ZNF367: variants seen among roughly 807,000 people sequenced by gnomAD.
ZNF367 encodes the protein zinc finger protein 367.
Under a neutral mutation model 31.8 loss-of-function variants are expected in ZNF367, and 11 were observed. That is an observed-to-expected ratio of 0.35 (90% CI 0.22 to 0.57). The LOEUF (loss-of-function observed/expected upper bound fraction) is 0.57, where lower values mean the gene tolerates loss of function less well. Ranked by LOEUF, ZNF367 falls within the 20% of genes least tolerant of loss-of-function variation. ZNF367 has a pLI of 0.85. For missense variants in ZNF367, 353 were observed against 484.1 expected, an observed-to-expected ratio of 0.73 and a Z score of 2.54; for synonymous variants, 199 against 202.4, an observed-to-expected ratio of 0.98 and a Z score of 0.14.
At chr9:96,394,138 C>G (rs1831502890) in intron 3 of ZNF367, among the ~76,000 whole-genome samples, 1 of 152,232 alleles carries the variant, frequency 6.6e-6, no homozygotes, top group Admixed American at 6.5e-5. Context: ...GATTTTTCTA[C>G]TGCCTACAAC....
In ZNF367 at chr9:96,392,553, T is replaced by G. The variant is rs754559033; in HGVS notation, c.692-17A>C. On this transcript the variant is annotated splice_polypyrimidine_tract_variant and intron_variant, in intron 3 of 4. Coordinates refer to ENST00000375256, the MANE Select transcript of ZNF367 (RefSeq NM_153695.4). Reference sequence around the variant, plus strand: ...TCAGGCAGCCTTCAAAACACAAGGTTAACACCTGTCAGGATCTGGACATCC... The same window carrying G: ...TCAGGCAGCCTTCAAAACACAAGGTGAACACCTGTCAGGATCTGGACATCC... 6.3e-7 allele frequency: 1 copy of G among 1,586,764 alleles called. No individual in the cohort carries two copies. Among genetic ancestry groups the G allele is most frequent in the African/African-American group, 1.3e-5 (1 of 74,472 alleles).
chr9:96,405,314 CAA>C (rs975848691), intron 1 of ZNF367, among the ~76,000 whole-genome samples: 9 of 55,116 alleles, frequency 1.6e-4, no homozygotes, highest in Admixed American at 4.2e-4. Flanking sequence ...AACTCTGTCT[CAA>C]AAAAAAAAAA....
At chr9:96,411,085 T>C (rs1444314623) in intron 1 of ZNF367, among the ~76,000 whole-genome samples, 2 of 149,504 alleles carry the variant, frequency 1.3e-5, no homozygotes, top group Non-Finnish European at 3.0e-5. Flanking sequence ...TGTGGTCCCA[T>C]ACTCAGGAGG....
chr9:96,409,122 C>T (rs574426282), intron 1 of ZNF367, among the ~76,000 whole-genome samples: 92 of 152,280 alleles, frequency 6.0e-4, no homozygotes, highest in Middle Eastern at 3.4e-3. Context: ...CCATGTGAAA[C>T]CTGCTCCCCT....
At chr9:96,388,561 G>T in intron 4 of ZNF367, 102 bp from the exon 5 acceptor site, 1 of 1,056,574 alleles carries the variant, frequency 9.5e-7, no homozygotes, top group Non-Finnish European at 1.4e-6. Context: ...CTTTTATGTG[G>T]TTCAGTTTAT....
At chr9:96,406,489 C>T (rs1831672995) in intron 1 of ZNF367, among the ~76,000 whole-genome samples, 1 of 152,146 alleles carries the variant, frequency 6.6e-6, no homozygotes, top group South Asian at 2.1e-4. Flanking sequence ...CAGTCTTATA[C>T]CATGAATATT....
chr9:96,415,513 TTTG>T (rs1278787137), intron 1 of ZNF367, among the ~76,000 whole-genome samples: 2 of 113,618 alleles, frequency 1.8e-5, no homozygotes, highest in African/African-American at 7.4e-5. Flanking sequence ...TTTTTTTTTT[TTTG>T]AGACGGAGTC....
chr9:96,416,368 G>GA (rs1291073899), intron 1 of ZNF367, among the ~76,000 whole-genome samples: 4 of 152,200 alleles, frequency 2.6e-5, no homozygotes, highest in African/African-American at 9.7e-5. Context: ...TTACAGGCGT[G>GA]AGCCACCGCA....
At chr9:96,396,045 G>C (rs1344065679) in intron 2 of ZNF367, among the ~76,000 whole-genome samples, 1 of 152,210 alleles carries the variant, frequency 6.6e-6, no homozygotes, top group African/African-American at 2.4e-5. Flanking sequence ...TAGGGGGATT[G>C]TTTAAAATAG....
At chr9:96,407,302 A>G (rs1208454527) in intron 1 of ZNF367, 4 of 1,554,914 alleles carry the variant, frequency 2.6e-6, no homozygotes, top group Non-Finnish European at 3.5e-6. Flanking sequence ...GAACGAATAT[A>G]TTGAATTACA....
intron 1 of ZNF367, among the ~76,000 whole-genome samples, chr9:96,411,287 C>A (rs1831745868): frequency 6.6e-6 from 1 of 152,130 alleles, no homozygotes; most frequent in Non-Finnish European, 1.5e-5. Flanking sequence ...GTGGCTCATG[C>A]CTGTAATCCC....
In ZNF367 at chr9:96,386,273, A is replaced by G. The variant is rs1047157593; in HGVS notation, c.*1964T>C. 1 of 152,198 alleles carries G rather than the reference A, an allele frequency of 6.6e-6. No individual in the cohort carries two copies. The highest frequency in any genetic ancestry group is 2.4e-5 in the African/African-American group (1 of 41,464). The allele number at this position is 152,198 out of a possible 1,614,324, so 9.4% of individuals were successfully genotyped here. On this transcript the variant is annotated 3_prime_UTR_variant, in exon 5 of 5. Transcript: ENST00000375256. Reference sequence around the variant, plus strand: ...GAGTTGACAAAAGCTGACTGGAGAAACAAGGAAAAACCCTTACTTTTGAAG... The same window carrying G: ...GAGTTGACAAAAGCTGACTGGAGAAGCAAGGAAAAACCCTTACTTTTGAAG...
intron 4 of ZNF367, among the ~76,000 whole-genome samples, chr9:96,390,231 CAA>C (rs879918339): frequency 1.4e-5 from 2 of 141,168 alleles, no homozygotes; most frequent in African/African-American, 2.6e-5. Flanking sequence ...AATTACATAC[CAA>C]AAAAAAAAAG....
In ZNF367 at chr9:96,392,651, G is replaced by A; in HGVS notation, c.692-115C>T. The A allele has an allele frequency of 2.8e-6, 4 of 1,419,008 alleles. No individual in the cohort carries two copies. The Admixed American group carries it at 9.4e-5, about 33-fold the overall frequency. The allele number at this position is 1,419,008 out of a possible 1,614,324, so 87.9% of individuals were successfully genotyped here. On this transcript the variant is annotated intron_variant, in intron 3 of 4. Coordinates refer to ENST00000375256, the MANE Select transcript of ZNF367 (RefSeq NM_153695.4). ...AGTAAATTAATATGGTGAAATTTAG[G>A]ATCTATAATTTGGAGGAGAAAACAA...
intron 4 of ZNF367, among the ~76,000 whole-genome samples, chr9:96,390,944 A>G (rs988604702): frequency 2.6e-5 from 4 of 151,666 alleles, no homozygotes; most frequent in African/African-American, 4.8e-5. Flanking sequence ...CTGGGACACA[A>G]TTAGAAATAA....
chr9:96,397,482 A>C (rs1831547049), intron 2 of ZNF367, among the ~76,000 whole-genome samples: 1 of 152,198 alleles, frequency 6.6e-6, no homozygotes, highest in African/African-American at 2.4e-5. Context: ...ACATTCTATT[A>C]AAAACTTGAC....
rs1008813453 is a variant in ZNF367 at position 96,386,086 on chromosome 9, C to A, written c.*2151G>T. The A allele has an allele frequency of 6.6e-6, 1 of 151,998 alleles. No individual in the cohort carries two copies. Among genetic ancestry groups the A allele is most frequent in the African/African-American group, 2.4e-5 (1 of 41,412 alleles). 9.4% of individuals were successfully genotyped at this position (151,998 alleles called of 1,614,324 possible). ...TTTGAATGTAAACCATTTTTTAAAA[C>A]AAAAAGCAGTCTTAACACACCTCAA... On this transcript the variant is annotated 3_prime_UTR_variant, in exon 5 of 5. Coordinates refer to ENST00000375256, the MANE Select transcript of ZNF367 (RefSeq NM_153695.4).
chr9:96,392,985 TGA>T (rs1831490431), intron 3 of ZNF367, among the ~76,000 whole-genome samples: 1 of 152,072 alleles, frequency 6.6e-6, no homozygotes, highest in African/African-American at 2.4e-5. Flanking sequence ...CTCAGGAGGC[TGA>T]GACAGGAGAA....
chr9:96,416,328 C>T (rs1020684329), intron 1 of ZNF367, among the ~76,000 whole-genome samples: 3 of 152,020 alleles, frequency 2.0e-5, no homozygotes, highest in Admixed American at 2.0e-4. Flanking sequence ...CCTCGTGATC[C>T]GCCCGCCTCT....
Sources: allele counts gnomAD v4.1 joint callset (sites outside exome capture counted in the v4.1 genomes callset), GRCh38; gene constraint gnomAD v4.1.1; transcripts MANE v1.5; gene names NCBI Gene and HGNC (gene_info 2026-07-23, HGNC 2026-07-21).